FHIT: variants seen among roughly 807,000 people sequenced by gnomAD.
FHIT encodes bis(5'-adenosyl)-triphosphatase.
Under a neutral mutation model 17.9 loss-of-function variants are expected in FHIT, and 19 were observed. That is an observed-to-expected ratio of 1.06 (90% CI 0.74 to 1.56). FHIT has a LOEUF of 1.56. Ranked by LOEUF, FHIT falls within the 40% of genes most tolerant of loss-of-function variation. The pLI, the probability that FHIT is intolerant of heterozygous loss-of-function variation, is 0.00. For synonymous variants in FHIT, 81 were observed against 69.7 expected (o/e 1.16, Z -0.81); for missense variants, 248 against 189.2 (o/e 1.31, Z -1.82).
At chr3:59,766,294 G>T (rs546767049) in intron 8 of FHIT, among the ~76,000 whole-genome samples, 1 of 152,320 alleles carries the variant, frequency 6.6e-6, no homozygotes, top group East Asian at 1.9e-4. Context: ...TACAACATCG[G>T]ATGACCGCAG....
At chr3:61,186,865 C>G (rs1015806904) in intron 2 of FHIT, among the ~76,000 whole-genome samples, 1 of 152,342 alleles carries the variant, frequency 6.6e-6, no homozygotes, top group Admixed American at 6.5e-5. Context: ...AATCCCTCCT[C>G]CTGTCCTTCT....
Position 60,497,710 on chromosome 3 carries a change from C to T in FHIT, c.103+39150G>A, listed in dbSNP as rs115126692. Among the ~76,000 whole-genome samples, 1,304 of 152,220 alleles carry T rather than the reference C, an allele frequency of 8.6e-3. 8 individuals are homozygous for T. The highest frequency in any genetic ancestry group is 0.02 in the Middle Eastern group (6 of 294). ...AAACCAGCTCAGAGAAAGCTAATTC[C>T]GTCCTTTCCTGGTTATATAGCAGAT... On this transcript the variant is annotated intron_variant, in intron 5 of 9. Coordinates refer to ENST00000492590, the MANE Select transcript of FHIT (RefSeq NM_002012.4).
At chr3:59,974,300 G>A (rs539710085) in intron 7 of FHIT, among the ~76,000 whole-genome samples, 5 of 152,114 alleles carry the variant, frequency 3.3e-5, no homozygotes, top group East Asian at 1.9e-4. Context: ...GCCTCACTTC[G>A]TACAGTAAGT....
chr3:60,339,062 T>A (rs1710383869), intron 5 of FHIT, among the ~76,000 whole-genome samples: 1 of 152,218 alleles, frequency 6.6e-6, no homozygotes, highest in Admixed American at 6.5e-5. Flanking sequence ...CTGTTATGTA[T>A]TTATGAATAT....
chr3:60,577,978 TAA>T (rs1165219265), intron 4 of FHIT, among the ~76,000 whole-genome samples: 2 of 152,174 alleles, frequency 1.3e-5, no homozygotes, highest in African/African-American at 4.8e-5. Context: ...GCCCTAAGAC[TAA>T]GTGTGTTTCA....
intron 3 of FHIT, among the ~76,000 whole-genome samples, chr3:61,019,727 G>T (rs2032308423): frequency 6.6e-6 from 1 of 152,092 alleles, no homozygotes; most frequent in South Asian, 2.1e-4. Flanking sequence ...AAGCTCCCAT[G>T]AACCTCTTTC....
At chr3:60,721,486 C>T (rs2041808596) in intron 4 of FHIT, among the ~76,000 whole-genome samples, 1 of 152,066 alleles carries the variant, frequency 6.6e-6, no homozygotes, top group Non-Finnish European at 1.5e-5. Flanking sequence ...CAATTATAAC[C>T]TACCAAGTCA....
chr3:59,952,465 A>C (rs1037989398), intron 7 of FHIT, among the ~76,000 whole-genome samples: 2 of 152,090 alleles, frequency 1.3e-5, no homozygotes, highest in African/African-American at 2.4e-5. Flanking sequence ...AGTTGTGCCA[A>C]TGTGACACGC....
intron 2 of FHIT, among the ~76,000 whole-genome samples, chr3:61,051,590 C>T (rs929343876): frequency 6.6e-6 from 1 of 152,104 alleles, no homozygotes; most frequent in Admixed American, 6.6e-5. Flanking sequence ...GGCTAAAATA[C>T]TTCCATTTTT....
intron 7 of FHIT, among the ~76,000 whole-genome samples, chr3:59,956,353 G>A (rs537567740): frequency 1.2e-4 from 18 of 152,108 alleles, no homozygotes; most frequent in Admixed American, 9.2e-4. Context: ...GGGCAACGAA[G>A]CAAGACCTAT....
At chr3:59,858,416 C>T (rs183675144) in intron 8 of FHIT, among the ~76,000 whole-genome samples, 12 of 151,788 alleles carry the variant, frequency 7.9e-5, no homozygotes, top group South Asian at 2.1e-4. Flanking sequence ...TTAGTATAGA[C>T]GGGGTTTCAC....
At chr3:60,926,746 A>G (rs1413598525) in intron 3 of FHIT, among the ~76,000 whole-genome samples, 1 of 152,246 alleles carries the variant, frequency 6.6e-6, no homozygotes, top group Non-Finnish European at 1.5e-5. Flanking sequence ...AAACCCTTCA[A>G]AAAATCAATG....
chr3:59,984,644 G>C (rs116737916), intron 7 of FHIT, among the ~76,000 whole-genome samples: 261 of 152,166 alleles, frequency 1.7e-3, no homozygotes, highest in African/African-American at 6.0e-3. Flanking sequence ...CCAGAGAATG[G>C]AACCAAGGCA....
At chr3:59,868,047 T>TTAAA (rs397964099) in intron 8 of FHIT, among the ~76,000 whole-genome samples, 24 of 111,364 alleles carry the variant, frequency 2.2e-4, no homozygotes, top group South Asian at 6.0e-4. Flanking sequence ...TTTTTTTTTT[T>TTAAA]AAAAAAAAAA....
rs570144798 is a variant in FHIT, at chr3:61,214,837, G to T, written c.-212-14172C>A. On this transcript the variant is annotated intron_variant, in intron 1 of 9. Transcript: ENST00000492590. ...ATCAAGTGGGCTTCATCCCTGGGAT[G>T]CAAGGCTGGTCCAATGTATGCAAAT... is the stretch of plus-strand genomic sequence containing the variant. Among the ~76,000 whole-genome samples, 159 of 152,330 alleles carry T rather than the reference G, an allele frequency of 1.0e-3. 1 individual carries two copies. In the South Asian group the frequency reaches 0.015, roughly 14 times the overall value.
At chr3:59,766,134 G>A (rs914223369) in intron 8 of FHIT, among the ~76,000 whole-genome samples, 1 of 152,082 alleles carries the variant, frequency 6.6e-6, no homozygotes, top group Non-Finnish European at 1.5e-5. Context: ...GTTAGATGTG[G>A]GATAGTAGCA....
At chr3:60,640,221 T>A (rs1553684987) in intron 4 of FHIT, among the ~76,000 whole-genome samples, 1 of 152,228 alleles carries the variant, frequency 6.6e-6, no homozygotes, top group Non-Finnish European at 1.5e-5. Context: ...CTCATGGGTG[T>A]ATCCCTCTTT....
At chr3:61,193,914 T>G (rs927270037) in intron 2 of FHIT, among the ~76,000 whole-genome samples, 2 of 152,142 alleles carry the variant, frequency 1.3e-5, no homozygotes, top group African/African-American at 4.8e-5. Flanking sequence ...ATAGCAGCCT[T>G]CCGAAATGAA....
chr3:60,391,602 G>A (rs755533231), intron 5 of FHIT, among the ~76,000 whole-genome samples: 16 of 152,062 alleles, frequency 1.1e-4, no homozygotes, highest in Admixed American at 3.9e-4. Flanking sequence ...CCTTTTCTAC[G>A]TTTAGATACA....
Sources: gnomAD v4.1 joint callset for allele counts (sites outside exome capture counted in the v4.1 genomes callset) on GRCh38, gnomAD v4.1.1 for gene constraint, MANE v1.5 for transcripts, NCBI Gene and HGNC (gene_info 2026-07-23, HGNC 2026-07-21) for gene names.